The following PRKD3 variants were observed in gnomAD, a reference collection of about 807,000 sequenced individuals.
PRKD3 encodes the protein protein kinase D3.
A neutral mutation model predicts 99.2 loss-of-function variants in PRKD3; 47 were observed. The ratio of observed to expected loss-of-function variants is 0.47; its 90% CI spans 0.38 to 0.60. The LOEUF (loss-of-function observed/expected upper bound fraction) is 0.60. PRKD3 is among the 20% of genes least tolerant of loss of function. PRKD3 has a pLI of 0.00. For synonymous variants in PRKD3, 392 were observed against 355.4 expected (o/e 1.10, Z -1.16); for missense variants, 1,019 against 1,088.4 (o/e 0.94, Z 0.90).
chr2:37,284,700 C>A (rs1395735757), intron 6 of PRKD3, among the ~76,000 whole-genome samples: 1 of 152,164 alleles, frequency 6.6e-6, no homozygotes, highest in Admixed American at 6.5e-5. Context: ...TAATAGTTAT[C>A]AAATACCTGA....
chr2:37,273,255 T>G (rs191131634), intron 11 of PRKD3, among the ~76,000 whole-genome samples: 62 of 152,250 alleles, frequency 4.1e-4, no homozygotes, highest in African/African-American at 1.4e-3. Context: ...AGTCCTAGTT[T>G]TAATTAGAAT....
Position 37,269,691 on chromosome 2 carries a change from G to A in PRKD3, c.1705-4C>T, listed in dbSNP as rs1252110715. The A allele has an allele frequency of 6.3e-7, 1 of 1,592,412 alleles. No individual in the cohort carries two copies. Among genetic ancestry groups the A allele is most frequent in the Admixed American group, 1.7e-5 (1 of 58,774 alleles). On this transcript the variant is annotated splice_polypyrimidine_tract_variant and splice_region_variant and intron_variant, in intron 12 of 18. Coordinates refer to ENST00000234179, the MANE Select transcript of PRKD3 (RefSeq NM_005813.6). ...TCTGGTAAACAGTACTGATATCCTG[G>A]TAGGATAAAGTAAGGAGTTAGTATT...
intron 3 of PRKD3, 33 bp from the exon 4 acceptor site, chr2:37,291,032 G>A (rs148007296): frequency 3.2e-6 from 5 of 1,561,544 alleles, no homozygotes; most frequent in African/African-American, 2.7e-5. Context: ...AATACACGTT[G>A]TATTTGTACT....
chr2:37,252,739 C>A lies in PRKD3; in HGVS notation c.*438G>T, dbSNP rs751222064. On this transcript the variant is annotated 3_prime_UTR_variant, in exon 19 of 19. Transcript: ENST00000234179. ...AGTTACCTCTTAAATACAAGCCTGTCGAGTAATCAATCTTGTAAGTCTTGT... is the reference window on the plus strand; with the variant it reads ...AGTTACCTCTTAAATACAAGCCTGTAGAGTAATCAATCTTGTAAGTCTTGT... 1 of 151,456 alleles carries A rather than the reference C, an allele frequency of 6.6e-6. No homozygotes were observed. The highest frequency in any genetic ancestry group is 2.4e-5 in the African/African-American group (1 of 41,254). The allele number at this position is 151,456 out of a possible 1,614,324, so 9.4% of individuals were successfully genotyped here.
chr2:37,267,196 AT>A (rs1186094201), intron 14 of PRKD3, among the ~76,000 whole-genome samples: 2 of 152,186 alleles, frequency 1.3e-5, no homozygotes, highest in African/African-American at 4.8e-5. Context: ...TATCCTAAGT[AT>A]TTTAAGCTCC....
intron 5 of PRKD3, among the ~76,000 whole-genome samples, chr2:37,287,286 G>GAAAAAGAAAAAT (rs1558556448): frequency 9.7e-6 from 1 of 103,096 alleles, no homozygotes; most frequent in African/African-American, 3.9e-5. Flanking sequence ...AAAAGAAAAA[G>GAAAAAGAAAAAT]AAAAATACCT....
chr2:37,305,144 G>T (rs993987093), intron 2 of PRKD3, among the ~76,000 whole-genome samples: 1 of 151,554 alleles, frequency 6.6e-6, no homozygotes, highest in Non-Finnish European at 1.5e-5. Context: ...GGTTTTTTTT[G>T]ACAACAAAAG....
At chr2:37,283,141 C>T (rs1238230688) in intron 6 of PRKD3, among the ~76,000 whole-genome samples, 1 of 152,222 alleles carries the variant, frequency 6.6e-6, no homozygotes, top group Admixed American at 6.5e-5. Context: ...GAGTTGATAG[C>T]ATTGCAGATC....
chr2:37,276,082 G>A (rs908459005), intron 9 of PRKD3, among the ~76,000 whole-genome samples: 1 of 151,978 alleles, frequency 6.6e-6, no homozygotes, highest in African/African-American at 2.4e-5. Context: ...AGGTTTCTGG[G>A]AATCCTTGTA....
chr2:37,279,692 G>A lies in PRKD3; in HGVS notation c.1172+54C>T, dbSNP rs1212496923. On this transcript the variant is annotated intron_variant, in intron 8 of 18. Transcript: ENST00000234179. ...AAGAGACGTGGCTTTTTCTTAATGA[G>A]ATCCTGAACTGACCTTGCATCTGGA... 143 of 1,437,010 alleles carry A rather than the reference G, an allele frequency of 1.0e-4. 1 individual carries two copies. The East Asian group carries it at 3.4e-3, about 35-fold the overall frequency. The allele number at this position is 1,437,010 out of a possible 1,614,324, so 89.0% of individuals were successfully genotyped here. A position where few individuals can be genotyped will look rare whatever the true frequency, so the allele number is the denominator to read the frequency against.
chr2:37,315,409 A>G (rs1270730293), intron 2 of PRKD3, among the ~76,000 whole-genome samples: 6 of 152,216 alleles, frequency 3.9e-5, no homozygotes, highest in Non-Finnish European at 8.8e-5. Context: ...TATTTTTTAA[A>G]AGACAGAAAG....
At chr2:37,278,476 G>C (rs1669681604) in intron 8 of PRKD3, 1 of 152,262 alleles carries the variant, frequency 6.6e-6, no homozygotes, top group Non-Finnish European at 1.5e-5. Flanking sequence ...GGTATTTAAA[G>C]GAAAATGATT....
chr2:37,304,401 T>C (rs1262010531), intron 2 of PRKD3, among the ~76,000 whole-genome samples: 3 of 152,200 alleles, frequency 2.0e-5, no homozygotes, highest in Admixed American at 1.3e-4. Flanking sequence ...GACTTGAATT[T>C]ATTAACTTTC....
intron 2 of PRKD3, among the ~76,000 whole-genome samples, chr2:37,310,091 A>G (rs1399711364): frequency 6.6e-6 from 1 of 152,204 alleles, no homozygotes; most frequent in Non-Finnish European, 1.5e-5. Context: ...TTCTACAGAG[A>G]AAACAGATTT....
chr2:37,273,153 T>G (rs573363648), intron 11 of PRKD3, among the ~76,000 whole-genome samples: 2 of 152,240 alleles, frequency 1.3e-5, no homozygotes, highest in Admixed American at 6.5e-5. Context: ...AATGTTGTTT[T>G]TTGGTACTTT....
intron 13 of PRKD3, 178 bp downstream of exon 13, chr2:37,269,437 C>G (rs1380746017): frequency 1.7e-6 from 1 of 596,868 alleles, no homozygotes; most frequent in East Asian, 2.8e-5. Context: ...TTTGCAATGA[C>G]ATTAAGGGAA....
intron 14 of PRKD3, among the ~76,000 whole-genome samples, chr2:37,262,015 A>C (rs1572619692): frequency 6.6e-6 from 1 of 152,346 alleles, no homozygotes; most frequent in Admixed American, 6.5e-5. Flanking sequence ...AATGTAAGCG[A>C]CTGTGCTTAA....
intron 2 of PRKD3, among the ~76,000 whole-genome samples, chr2:37,305,577 G>A (rs959936102): frequency 6.6e-6 from 1 of 152,234 alleles, no homozygotes; most frequent in African/African-American, 2.4e-5. Context: ...CAGAAATTGT[G>A]CAAAGCACTT....
chr2:37,304,342 TAC>T (rs1671066689), intron 2 of PRKD3, among the ~76,000 whole-genome samples: 1 of 152,254 alleles, frequency 6.6e-6, no homozygotes, highest in South Asian at 2.1e-4. Context: ...TGTTTCTAAA[TAC>T]AGACATAAGG....
Sources: allele counts gnomAD v4.1 joint callset (sites outside exome capture counted in the v4.1 genomes callset), GRCh38; gene constraint gnomAD v4.1.1; transcripts MANE v1.5; gene names NCBI Gene and HGNC (gene_info 2026-07-23, HGNC 2026-07-21).